SLC16A10: variants seen among roughly 807,000 people sequenced by gnomAD.
The protein encoded by SLC16A10 is monocarboxylate transporter 10.
In SLC16A10, 27 loss-of-function variants were observed where a neutral mutation model predicts 40.0. The ratio of observed to expected loss-of-function variants is 0.67; its 90% CI spans 0.50 to 0.93. The LOEUF (loss-of-function observed/expected upper bound fraction) is 0.93. SLC16A10 is among the 40% of genes least tolerant of loss of function. The pLI is 0.00. For missense variants in SLC16A10, 529 were observed against 658.2 expected, an observed-to-expected ratio of 0.80 and a Z score of 2.15; for synonymous variants, 213 against 249.8, an observed-to-expected ratio of 0.85 and a Z score of 1.39.
intron 1 of SLC16A10, among the ~76,000 whole-genome samples, chr6:111,093,167 G>A (rs537624781): frequency 3.3e-5 from 5 of 152,262 alleles, no homozygotes; most frequent in African/African-American, 1.2e-4. Context: ...TTGAGATTGT[G>A]CCATTTCACT....
intron 1 of SLC16A10, among the ~76,000 whole-genome samples, chr6:111,108,045 A>G (rs1286242232): frequency 4.1e-5 from 6 of 146,804 alleles, no homozygotes; most frequent in Admixed American, 1.4e-4. Flanking sequence ...TTTTAGTTGG[A>G]GTCTTACTTT....
intron 1 of SLC16A10, among the ~76,000 whole-genome samples, chr6:111,140,273 G>A (rs1771958056): frequency 6.6e-6 from 1 of 151,972 alleles, no homozygotes; most frequent in African/African-American, 2.4e-5. Flanking sequence ...GGCCAGCCCA[G>A]GCAACATAGC....
intron 1 of SLC16A10, among the ~76,000 whole-genome samples, chr6:111,170,562 A>G (rs150814899): frequency 0.013 from 2,008 of 151,876 alleles, 48 homozygotes; most frequent in African/African-American, 0.046. Flanking sequence ...TGATTCTCCC[A>G]TCTCAGCCTC....
chr6:111,191,530 TA>T (rs1235217369), intron 3 of SLC16A10, among the ~76,000 whole-genome samples: 4 of 152,226 alleles, frequency 2.6e-5, no homozygotes, highest in African/African-American at 9.6e-5. Flanking sequence ...TTTGGGTATA[TA>T]ACCAGTAATG....
At chr6:111,202,628 C>T (rs1388974195) in intron 3 of SLC16A10, among the ~76,000 whole-genome samples, 2 of 151,904 alleles carry the variant, frequency 1.3e-5, no homozygotes, top group Non-Finnish European at 2.9e-5. Context: ...GTGGCTCACA[C>T]CTGTAATCCC....
Position 111,143,494 on chromosome 6 carries a change from C to T in SLC16A10, c.344-29201C>T, listed in dbSNP as rs561176746. 1.3e-4 allele frequency among the ~76,000 whole-genome samples: 20 copies of T among 152,192 alleles called. No homozygotes were observed. The South Asian group carries it at 3.7e-3, about 28-fold the overall frequency. Reference sequence around the variant, plus strand: ...CAAGATCCTGGGCTCAAGTAGGAGCCCAGCTAATTTTTTTTAAAATTTTTG... The same window carrying T: ...CAAGATCCTGGGCTCAAGTAGGAGCTCAGCTAATTTTTTTTAAAATTTTTG... On this transcript the variant is annotated intron_variant, in intron 1 of 5. Coordinates refer to ENST00000368851, the MANE Select transcript of SLC16A10 (RefSeq NM_018593.5).
chr6:111,093,202 CTT>C (rs71784325), intron 1 of SLC16A10, among the ~76,000 whole-genome samples: 15,276 of 152,124 alleles, frequency 0.1, 1,006 homozygotes, highest in Middle Eastern at 0.16. Context: ...AAGAGAGAAA[CTT>C]TGTCTCACAC....
rs1396633503 is a variant in SLC16A10, at chr6:111,172,698, G to A, written c.347G>A (p.Trp116Ter). ...CACGCTTTCCCTTCTTTTACAGCAT[G>A]GGTAGGTTCTCTCTCCATGGGGATG... ...DDDKMVFKTA[W>*]VGSLSMGMIF... The change falls in exon 2 of 6, where the codon TGG becomes TAG. Residue 116 changes from tryptophan to a stop codon, truncating the protein, a stop_gained. Transcript: ENST00000368851. LOFTEE classifies it high-confidence loss of function. 3 of 1,613,258 alleles carry A rather than the reference G, an allele frequency of 1.9e-6. No homozygotes were observed. Among genetic ancestry groups the A allele is most frequent in the Non-Finnish European group, 2.5e-6 (3 of 1,179,486 alleles).
chr6:111,100,853 T>C (rs1022265128), intron 1 of SLC16A10, among the ~76,000 whole-genome samples: 7 of 151,674 alleles, frequency 4.6e-5, no homozygotes, highest in African/African-American at 7.3e-5. Flanking sequence ...TATACATACA[T>C]ACATACATGT....
chr6:111,181,260 T>C (rs1309395190), intron 3 of SLC16A10, among the ~76,000 whole-genome samples: 2 of 152,008 alleles, frequency 1.3e-5, no homozygotes, highest in Non-Finnish European at 2.9e-5. Context: ...AGATCTGGAT[T>C]TAAATTCAGG....
chr6:111,163,040 A>AAGAC (rs1449327748), intron 1 of SLC16A10, among the ~76,000 whole-genome samples: 5 of 152,150 alleles, frequency 3.3e-5, no homozygotes, highest in Non-Finnish European at 1.5e-5. Context: ...GGATCAAAAT[A>AAGAC]AGACAATTGT....
intron 3 of SLC16A10, among the ~76,000 whole-genome samples, chr6:111,182,477 C>T (rs1772816674): frequency 6.9e-6 from 1 of 145,782 alleles, no homozygotes. Context: ...ATCAGCATGT[C>T]CTAGGGCTTG....
At chr6:111,188,628 A>G (rs2114562064) in intron 3 of SLC16A10, among the ~76,000 whole-genome samples, 1 of 152,114 alleles carries the variant, frequency 6.6e-6, no homozygotes, top group East Asian at 1.9e-4. Flanking sequence ...AGCCTTTATT[A>G]ATCTAAATAT....
chr6:111,136,170 C>T (rs1490999474), intron 1 of SLC16A10, among the ~76,000 whole-genome samples: 1 of 152,242 alleles, frequency 6.6e-6, no homozygotes, highest in African/African-American at 2.4e-5. Flanking sequence ...GCAGAGGCAG[C>T]TTTCCAGGCC....
At chr6:111,182,508 T>C (rs955993820) in intron 3 of SLC16A10, among the ~76,000 whole-genome samples, 2 of 47,952 alleles carry the variant, frequency 4.2e-5, no homozygotes, top group Non-Finnish European at 5.6e-5. Context: ...TTTTTCTCCA[T>C]GTATTCTACG....
At chr6:111,112,329 C>T (rs776049533) in intron 1 of SLC16A10, among the ~76,000 whole-genome samples, 1 of 152,198 alleles carries the variant, frequency 6.6e-6, no homozygotes, top group African/African-American at 2.4e-5. Context: ...GCCACCGTGC[C>T]TGGCCAGTAT....
intron 1 of SLC16A10, among the ~76,000 whole-genome samples, chr6:111,108,700 A>G (rs1391107684): frequency 6.6e-6 from 1 of 152,190 alleles, no homozygotes; most frequent in Admixed American, 6.5e-5. Flanking sequence ...TCACCCTTTG[A>G]AATTTGAGGT....
chr6:111,155,801 G>A (rs1277792719), intron 1 of SLC16A10, among the ~76,000 whole-genome samples: 2 of 152,196 alleles, frequency 1.3e-5, no homozygotes, highest in African/African-American at 4.8e-5. Flanking sequence ...GTTGGTATAT[G>A]TACATGTATT....
At chr6:111,171,870 G>A (rs1051862072) in intron 1 of SLC16A10, among the ~76,000 whole-genome samples, 31 of 150,000 alleles carry the variant, frequency 2.1e-4, no homozygotes, top group Middle Eastern at 3.5e-3. Context: ...GTAAAGTTTC[G>A]TTTGGACTTA....
Sources: gnomAD v4.1 joint callset for allele counts (sites outside exome capture counted in the v4.1 genomes callset) on GRCh38, gnomAD v4.1.1 for gene constraint, MANE v1.5 for transcripts, NCBI Gene and HGNC (gene_info 2026-07-23, HGNC 2026-07-21) for gene names.